Variants in MYH11 observed in about 807,000 individuals in gnomAD.
MYH11 encodes myosin heavy chain 11, also known as myosin-11.
In MYH11, 80 loss-of-function variants were observed where a neutral mutation model predicts 246.6. The ratio of observed to expected loss-of-function variants is 0.32; its 90% CI spans 0.27 to 0.39. The LOEUF (loss-of-function observed/expected upper bound fraction) is 0.39, where lower values mean the gene tolerates loss of function less well. Ranked by LOEUF, MYH11 falls within the 10% of genes least tolerant of loss-of-function variation. The probability of loss-of-function intolerance (pLI) is 1.00; values close to 1 mark genes in which losing one functional copy is unlikely to be tolerated. For missense variants in MYH11, 2,158 were observed against 2,546.8 expected (o/e 0.85, Z 3.29); for synonymous variants, 1,071 against 1,015.5 (o/e 1.05, Z -1.04).
chr16:15,827,765 C>G (rs1443041040), intron 2 of MYH11, among the ~76,000 whole-genome samples: 1 of 152,248 alleles, frequency 6.6e-6, no homozygotes, highest in African/African-American at 2.4e-5. Context: ...CCTGACTTCA[C>G]CTCCGTGACC....
intron 13 of MYH11, among the ~76,000 whole-genome samples, chr16:15,757,439 G>A (rs992090199): frequency 2.7e-5 from 4 of 148,536 alleles, no homozygotes; most frequent in African/African-American, 9.9e-5. Flanking sequence ...AGGCAGGGAG[G>A]TGGAGGTTGC....
chr16:15,760,104 A>G lies in MYH11; in HGVS notation c.1249-376T>C, dbSNP rs538070576. 9.7e-5 allele frequency among the ~76,000 whole-genome samples: 14 copies of G among 143,838 alleles called. No homozygotes were observed. In the East Asian group the frequency reaches 2.3e-3, roughly 24 times the overall value. 94.4% of individuals were successfully genotyped at this position (143,838 alleles called of 152,430 possible). On this transcript the variant is annotated intron_variant, in intron 11 of 40. Coordinates refer to ENST00000300036, the MANE Select transcript of MYH11 (RefSeq NM_002474.3). The stretch of plus-strand genomic sequence containing the variant: ...AGAGCAAGGCTCTGGCTCAAAAACA[A>G]AAAACAAACAAACAAACAAAACCTG...
At chr16:15,818,630 G>C (rs2043322725) in intron 3 of MYH11, among the ~76,000 whole-genome samples, 1 of 151,922 alleles carries the variant, frequency 6.6e-6, no homozygotes, top group Admixed American at 6.6e-5. Context: ...TAGAGACGGA[G>C]ATTCACCACG....
chr16:15,750,114 CAGG>C lies in MYH11; in HGVS notation c.2058+21_2058+23del, dbSNP rs2041525225. On this transcript the variant is annotated intron_variant, in intron 16 of 40. Coordinates refer to ENST00000300036, the MANE Select transcript of MYH11 (RefSeq NM_002474.3). This position sits in a 1 kb window ranked among gnomAD's most constrained non-coding sequence, Gnocchi z 4.3. ...GGACAGCCCTGGCTTCTGGGAGCCC[CAGG>C]GTCTGGGCGGCGGGCCTCACCCTCT... 1.9e-6 allele frequency: 3 copies of C among 1,613,658 alleles called. No homozygotes were observed. In the African/African-American group the frequency reaches 4.0e-5, roughly 22 times the overall value.
chr16:15,737,446 T>TA lies in MYH11; in HGVS notation c.3293+2dup. ...AGCAAATGCCCCTTGCCAGCCCCGC[T>TA]ACCTGGCCAGGGCCGCCTGCAGCTC... On this transcript the variant is annotated splice_region_variant and intron_variant, in intron 25 of 40. Coordinates refer to ENST00000300036, the MANE Select transcript of MYH11 (RefSeq NM_002474.3). The TA allele has an allele frequency of 1.2e-6, 2 of 1,611,974 alleles. No homozygotes were observed. The highest frequency in any genetic ancestry group is 8.5e-7 in the Non-Finnish European group (1 of 1,179,994).
chr16:15,712,279 C>CT (rs2151183794), intron 40 of MYH11, among the ~76,000 whole-genome samples: 1 of 152,212 alleles, frequency 6.6e-6, no homozygotes, highest in South Asian at 2.1e-4. Context: ...CAGAGATGAA[C>CT]TGAGGAGTCA....
intron 25 of MYH11, among the ~76,000 whole-genome samples, chr16:15,737,141 G>A (rs554583116): frequency 5.7e-4 from 87 of 152,240 alleles, no homozygotes; most frequent in Admixed American, 5.4e-3. Context: ...TTGGGCAATC[G>A]GAAATTCAGA....
intron 3 of MYH11, among the ~76,000 whole-genome samples, chr16:15,805,501 TA>T (rs1427785749): frequency 6.6e-6 from 1 of 152,226 alleles, no homozygotes; most frequent in Non-Finnish European, 1.5e-5. Flanking sequence ...TGGTAAAAAT[TA>T]TGGACTTTAT....
rs1555560373 is a variant in MYH11 at position 15,747,902 on chromosome 16, A to G, written c.2222T>C (p.Met741Thr). 3 of 1,613,916 alleles carry G rather than the reference A, an allele frequency of 1.9e-6. No individual in the cohort carries two copies. Among genetic ancestry groups the G allele is most frequent in the Non-Finnish European group, 2.5e-6 (3 of 1,180,000 alleles). ...LAANAIPKGFMDGKQACILMI... is the reference protein window; with the variant it reads ...LAANAIPKGFTDGKQACILMI... The stretch of plus-strand genomic sequence containing the variant: ...GAGAATGCAGGCCTGCTTCCCGTCC[A>G]TGAAGCCTTTGGGGATGGCATTCGC... Residue 741 changes from methionine to threonine, a missense_variant, in exon 18 of 41, where the codon ATG (methionine) becomes ACG (threonine). Transcript: ENST00000300036.
rs768017926 is a variant in MYH11 at position 15,756,336 on chromosome 16, G to A, written c.1749+5C>T. The stretch of plus-strand genomic sequence containing the variant: ...ACAGAGTCCCCTGGGCCCTGTGGCT[G>A]GTACCTTCCCAGCATAATGGATGAT... On this transcript the variant is annotated splice_donor_5th_base_variant and intron_variant, in intron 14 of 40. Coordinates refer to ENST00000300036, the MANE Select transcript of MYH11 (RefSeq NM_002474.3). 6.2e-7 allele frequency: 1 copy of A among 1,613,988 alleles called. No homozygotes were observed. Among genetic ancestry groups the A allele is most frequent in the Non-Finnish European group, 8.5e-7 (1 of 1,180,022 alleles).
intron 13 of MYH11, among the ~76,000 whole-genome samples, chr16:15,757,001 T>C (rs1436621519): frequency 6.6e-6 from 1 of 150,634 alleles, no homozygotes; most frequent in Non-Finnish European, 1.5e-5. Flanking sequence ...GGTTTCACCG[T>C]GTTAGCCAGG....
chr16:15,797,235 C>T lies in MYH11; in HGVS notation c.530+1425G>A, dbSNP rs548268072. Among the ~76,000 whole-genome samples the T allele has an allele frequency of 1.5e-3, 230 of 152,284 alleles. 1 individual carries two copies. The highest frequency in any genetic ancestry group is 1.8e-3 in the Non-Finnish European group (125 of 68,034). ...TTCTCTCAATACAGTTCATTGCCAT[C>T]CTACCATCCATCACCATCTGAAATT... is the stretch of plus-strand genomic sequence containing the variant. On this transcript the variant is annotated intron_variant, in intron 4 of 40. Transcript: ENST00000300036.
intron 9 of MYH11, among the ~76,000 whole-genome samples, chr16:15,767,882 A>C (rs1448443723): frequency 6.6e-6 from 1 of 151,938 alleles, no homozygotes; most frequent in Admixed American, 6.6e-5. Flanking sequence ...GATCTCCCTC[A>C]GTGCCTCCAG....
intron 26 of MYH11, among the ~76,000 whole-genome samples, chr16:15,733,521 C>T (rs1459400320): frequency 6.6e-6 from 1 of 151,710 alleles, no homozygotes; most frequent in African/African-American, 2.4e-5. Context: ...GTGTGAGCCA[C>T]CGCACTCAGC....
intron 5 of MYH11, among the ~76,000 whole-genome samples, chr16:15,784,090 G>A (rs1047712292): frequency 3.3e-5 from 5 of 152,200 alleles, no homozygotes; most frequent in South Asian, 2.1e-4. Context: ...GGGCCTTACC[G>A]CGCCACCAAA....
chr16:15,728,768 C>CG (rs1292925965), intron 27 of MYH11, among the ~76,000 whole-genome samples: 1 of 152,012 alleles, frequency 6.6e-6, no homozygotes, highest in African/African-American at 2.4e-5. Context: ...GGCATGGTGG[C>CG]AGTCACCTGT....
At position 15,832,876 on chromosome 16, in the gene MYH11, T is replaced by C. The variant is rs530335805; in HGVS notation, c.345+5032A>G. On this transcript the variant is annotated intron_variant, in intron 2 of 40. Coordinates refer to ENST00000300036, the MANE Select transcript of MYH11 (RefSeq NM_002474.3). ...TGGCCCTGGACTCACACAGACCTTG[T>C]CTGAATCCCAGCTCTGCCCACCTTC... Among the ~76,000 whole-genome samples, 9 of 149,342 alleles carry C rather than the reference T, an allele frequency of 6.0e-5. No individual in the cohort carries two copies. In the South Asian group the frequency reaches 1.9e-3, roughly 32 times the overall value.
At chr16:15,784,562 T>C in intron 5 of MYH11, 2 of 887,164 alleles carry the variant, frequency 2.3e-6, no homozygotes, top group Non-Finnish European at 3.5e-6. Context: ...CATTTACTGA[T>C]TTAAGTTGTG....
At chr16:15,801,893 G>A (rs987817285) in intron 3 of MYH11, among the ~76,000 whole-genome samples, 2 of 152,032 alleles carry the variant, frequency 1.3e-5, no homozygotes, top group Non-Finnish European at 2.9e-5. Flanking sequence ...GGAGGTGGAG[G>A]TTGCAGTGAG....
Sources: gnomAD v4.1 joint callset for allele counts (sites outside exome capture counted in the v4.1 genomes callset) on GRCh38, gnomAD v4.1.1 for gene constraint, Gnocchi (gnomAD v3.1) non-coding constraint, MANE v1.5 for transcripts, NCBI Gene and HGNC (gene_info 2026-07-23, HGNC 2026-07-21) for gene names.